The following MYBPH variants were observed in gnomAD, a reference collection of about 807,000 sequenced individuals.
The protein encoded by MYBPH is myosin binding protein H.
Under a neutral mutation model 53.6 loss-of-function variants are expected in MYBPH, and 49 were observed. The observed-to-expected ratio is 0.91, with a 90% CI of 0.73 to 1.16. The LOEUF (loss-of-function observed/expected upper bound fraction) is 1.16, where lower values mean the gene tolerates loss of function less well. Ranked by LOEUF, MYBPH falls within the 50% of genes most tolerant of loss-of-function variation. The pLI, the probability that MYBPH is intolerant of heterozygous loss-of-function variation, is 0.00. For synonymous variants in MYBPH, 239 were observed against 249.6 expected (o/e 0.96, Z 0.40); for missense variants, 558 against 624.1 (o/e 0.89, Z 1.13).
Position 203,171,127 on chromosome 1 carries a change from T to A in MYBPH, c.867A>T (p.Pro289=). The A allele has an allele frequency of 6.2e-7, 1 of 1,613,506 alleles. No homozygotes were observed. Among genetic ancestry groups the A allele is most frequent in the Non-Finnish European group, 8.5e-7 (1 of 1,179,728 alleles). The change falls in exon 6 of 11, where the codon CCA becomes CCT. Residue 289 remains proline (P), a synonymous_variant. Transcript: ENST00000255416. This position sits in a 1 kb window ranked among gnomAD's most constrained non-coding sequence, Gnocchi z 4.2. ...GCTCTGTGTTGCCTGTGTCCTGGGG[T>A]GGCGTCCACTGAAGAGCAGCATTGC... The part of the protein sequence containing the change: ...WGCNAALQWT[P]PQDTGNTELL...
In MYBPH at chr1:203,175,478, G is replaced by T. The variant is rs748890680; in HGVS notation, c.206-17C>A. 3.1e-6 allele frequency: 5 copies of T among 1,605,654 alleles called. No individual in the cohort carries two copies. Among genetic ancestry groups the T allele is most frequent in the South Asian group, 2.2e-5 (2 of 90,252 alleles). On this transcript the variant is annotated splice_polypyrimidine_tract_variant and intron_variant, in intron 1 of 10. Transcript: ENST00000255416. ...TGGGGACATCTGGGGAGATGAAGAG[G>T]TTCATGGCCAAGAGCTCCCCTCCAC...
rs1655761088 is a variant in MYBPH, at chr1:203,174,535, G to A, written c.403C>T (p.Leu135=). ...AGGAGGAACTTGTCTCCCAGAGCCAGGTTCCGCACAGTCTGCTGGGTCACC... is the reference window on the plus strand; with the variant it reads ...AGGAGGAACTTGTCTCCCAGAGCCAAGTTCCGCACAGTCTGCTGGGTCACC... The part of the protein sequence containing the change: ...MMVTQQTVRN[L]ALGDKFLLRV... The change falls in exon 3 of 11, where the codon CTG becomes TTG. Residue 135 remains leucine, a synonymous_variant. Transcript: ENST00000255416. 1 of 1,613,120 alleles carries A rather than the reference G, an allele frequency of 6.2e-7. No homozygotes were observed.
chr1:203,173,101 C>A (rs893142226), intron 3 of MYBPH, among the ~76,000 whole-genome samples: 7 of 152,230 alleles, frequency 4.6e-5, no homozygotes, highest in African/African-American at 1.4e-4. Flanking sequence ...ACAGCCTCCT[C>A]TCCCTCTTCT....
Position 203,174,441 on chromosome 1 carries a change from C to A in MYBPH, c.497G>T (p.Arg166Leu). The A allele has an allele frequency of 6.3e-7, 1 of 1,592,116 alleles. No individual in the cohort carries two copies. Among genetic ancestry groups the A allele is most frequent in the East Asian group, 2.3e-5 (1 of 44,278 alleles). ...PAMLDQPIHI[R>L]ENIEAPKIRV... ...AGGATGGGCTTTACCAATGTTCTCT[C>A]GGATGTGGATGGGCTGGTCCAGCAT... Residue 166 changes from arginine (R) to leucine (L), a missense_variant, in exon 3 of 11, where the codon CGA (arginine) becomes CTA (leucine). Transcript: ENST00000255416.
At position 203,172,007 on chromosome 1, in the gene MYBPH, C is replaced by A; in HGVS notation, c.542G>T (p.Arg181Leu). 4.5e-6 allele frequency: 6 copies of A among 1,320,420 alleles called. No individual in the cohort carries two copies. Among genetic ancestry groups the A allele is most frequent in the Non-Finnish European group, 5.8e-6 (6 of 1,026,912 alleles). 81.8% of individuals were successfully genotyped at this position (1,320,420 alleles called of 1,614,324 possible). Reference protein sequence around the residue: ...APKIRVPRHLRQTYIRQVGET... With the variant: ...APKIRVPRHLLQTYIRQVGET... ...TCCCACCTGGCGGATGTAGGTCTGA[C>A]GGAGGTGGCGGGGGACACGGATCTT... is the stretch of plus-strand genomic sequence containing the variant. The change falls in exon 4 of 11, where the codon CGT (arginine) becomes CTT (leucine). Residue 181 changes from arginine (R) to leucine (L), a missense_variant. Physicochemically the swap from Arg to Leu is moderately radical, Grantham distance 102 (BLOSUM62 -2). Coordinates refer to ENST00000255416, the MANE Select transcript of MYBPH (RefSeq NM_004997.3).
chr1:203,169,716 G>T (rs184874200), intron 7 of MYBPH, among the ~76,000 whole-genome samples: 1 of 152,298 alleles, frequency 6.6e-6, no homozygotes, highest in Admixed American at 6.5e-5. Context: ...TCCTAATTCT[G>T]TGCAGTTCAG....
intron 3 of MYBPH, 108 bp from the exon 4 acceptor site, chr1:203,172,148 T>C: frequency 1.5e-6 from 1 of 651,838 alleles, no homozygotes; most frequent in Non-Finnish European, 2.2e-6. Flanking sequence ...GGGAGGAGGG[T>C]CCTGGGTGTG....
chr1:203,170,487 CT>C, intron 6 of MYBPH, 37 bp from the exon 7 acceptor site: 1 of 1,602,836 alleles, frequency 6.2e-7, no homozygotes. Flanking sequence ...TTTCTCACCC[CT>C]GTCCTCACCC....
chr1:203,174,876 G>A (rs1288898707), intron 2 of MYBPH, among the ~76,000 whole-genome samples: 1 of 152,156 alleles, frequency 6.6e-6, no homozygotes, highest in African/African-American at 2.4e-5. Context: ...CAGAGGCCAG[G>A]CTGGACTTGG....
At position 203,175,477 on chromosome 1, in the gene MYBPH, G is replaced by T. The variant is rs775121999; in HGVS notation, c.206-16C>A. 14 of 1,604,580 alleles carry T rather than the reference G, an allele frequency of 8.7e-6. No individual in the cohort carries two copies. Among genetic ancestry groups the T allele is most frequent in the Non-Finnish European group, 1.2e-5 (14 of 1,174,066 alleles). ...CTGGGGACATCTGGGGAGATGAAGAGGTTCATGGCCAAGAGCTCCCCTCCA... is the reference window on the plus strand; with the variant it reads ...CTGGGGACATCTGGGGAGATGAAGATGTTCATGGCCAAGAGCTCCCCTCCA... On this transcript the variant is annotated splice_polypyrimidine_tract_variant and intron_variant, in intron 1 of 10. Coordinates refer to ENST00000255416, the MANE Select transcript of MYBPH (RefSeq NM_004997.3).
rs897986625 is a variant in MYBPH at position 203,172,047 on chromosome 1, C to T, written c.509-7G>A. 6 of 1,311,988 alleles carry T rather than the reference C, an allele frequency of 4.6e-6. No individual in the cohort carries two copies. The highest frequency in any genetic ancestry group is 4.9e-6 in the Non-Finnish European group (5 of 1,022,284). 81.3% of individuals were successfully genotyped at this position (1,311,988 alleles called of 1,614,324 possible). ...ACACGGATCTTGGGGGCCTCTGGAT[C>T]AAAGCAAGAGTCTGGGCTTAGCAGT... On this transcript the variant is annotated splice_region_variant and splice_polypyrimidine_tract_variant and intron_variant, in intron 3 of 10. Coordinates refer to ENST00000255416, the MANE Select transcript of MYBPH (RefSeq NM_004997.3).
chr1:203,169,778 G>T (rs778599271), intron 7 of MYBPH, among the ~76,000 whole-genome samples: 2 of 152,236 alleles, frequency 1.3e-5, no homozygotes, highest in African/African-American at 4.8e-5. Context: ...CTGTGGGTCG[G>T]AGAGGGCCTT....
chr1:203,168,610 T>G lies in MYBPH; in HGVS notation c.*32+17A>C, dbSNP rs1188276162. 1 of 1,550,862 alleles carries G rather than the reference T, an allele frequency of 6.4e-7. No individual in the cohort carries two copies. The highest frequency in any genetic ancestry group is 2.4e-5 in the East Asian group (1 of 40,910). On this transcript the variant is annotated intron_variant, in intron 10 of 10. Coordinates refer to ENST00000255416, the MANE Select transcript of MYBPH (RefSeq NM_004997.3). ...CTGCCCACAGAGGTAACAGAGTGGG[T>G]GGGTCAGGCCATTTACCTGGCTCCT...
Position 203,175,377 on chromosome 1 carries a change from A to G in MYBPH, c.290T>C (p.Leu97Pro), listed in dbSNP as rs753866172. The G allele has an allele frequency of 6.5e-7, 1 of 1,532,098 alleles. No individual in the cohort carries two copies. Among genetic ancestry groups the G allele is most frequent in the Non-Finnish European group, 8.8e-7 (1 of 1,142,800 alleles). The allele number at this position is 1,532,098 out of a possible 1,614,324, so 94.9% of individuals were successfully genotyped here. ...VTVSWEPPER[L>P]GRLGLQGYVL... ...ATAGCCCTGGAGGCCCAGCCTCCCCAGCCTCTCTGGGGGCTCCCAGCTCAC... is the reference window on the plus strand; with the variant it reads ...ATAGCCCTGGAGGCCCAGCCTCCCCGGCCTCTCTGGGGGCTCCCAGCTCAC... The change falls in exon 2 of 11, where the codon CTG becomes CCG. Residue 97 changes from leucine (L) to proline (P), a missense_variant. Leu to Pro is a moderately conservative substitution (Grantham distance 98). Coordinates refer to ENST00000255416, the MANE Select transcript of MYBPH (RefSeq NM_004997.3).
chr1:203,169,524 G>A (rs923113190), intron 7 of MYBPH, 135 bp from the exon 8 acceptor site: 4 of 1,275,796 alleles, frequency 3.1e-6, no homozygotes, highest in Non-Finnish European at 4.4e-6. Context: ...TCTCAAAGAG[G>A]CAGAGAAAGC....
chr1:203,171,228 G>A lies in MYBPH; in HGVS notation c.794-28C>T. The A allele has an allele frequency of 1.3e-6, 2 of 1,567,478 alleles. No individual in the cohort carries two copies. The highest frequency in any genetic ancestry group is 1.7e-6 in the Non-Finnish European group (2 of 1,155,942). The stretch of plus-strand genomic sequence containing the variant: ...GTAGGCCCAGAGTGTGAGAGGAAGT[G>A]AGTGTGAGGGCCAGGCTGGCCACAG... On this transcript the variant is annotated intron_variant, in intron 5 of 10. Transcript: ENST00000255416. This position sits in a 1 kb window ranked among gnomAD's most constrained non-coding sequence, Gnocchi z 4.2.
At chr1:203,173,732 C>T (rs1017906728) in intron 3 of MYBPH, among the ~76,000 whole-genome samples, 5 of 152,256 alleles carry the variant, frequency 3.3e-5, no homozygotes, top group African/African-American at 4.8e-5. Context: ...CTGCCTGTGT[C>T]TCTCCTCACC....
At chr1:203,174,269 G>T (rs1655755097) in intron 3 of MYBPH, 161 bp downstream of exon 3, 1 of 977,764 alleles carries the variant, frequency 1.0e-6, no homozygotes, top group Non-Finnish European at 1.2e-6. Flanking sequence ...GAGGAACCTG[G>T]AACTTTCTTA....
Position 203,170,347 on chromosome 1 carries a change from CA to C in MYBPH, c.1036del (p.Cys346ValfsTer71). 1 of 1,614,188 alleles carries C rather than the reference CA, an allele frequency of 6.2e-7. No homozygotes were observed. Among genetic ancestry groups the C allele is most frequent in the South Asian group, 1.1e-5 (1 of 91,080 alleles). ...YSFRVFSENL[C>X]GLSTSATVTK... ...GACGGTGGCCGAGGTGCTGAGTCCA[CA>C]CAGGTTTTCTGAGAAGACCCGGAAG... On this transcript the variant is annotated frameshift_variant, in exon 7 of 11. Coordinates refer to ENST00000255416, the MANE Select transcript of MYBPH (RefSeq NM_004997.3). LOFTEE classifies it high-confidence loss of function.
Sources: gnomAD v4.1 joint callset for allele counts (sites outside exome capture counted in the v4.1 genomes callset) on GRCh38, gnomAD v4.1.1 for gene constraint, Gnocchi (gnomAD v3.1) non-coding constraint, MANE v1.5 for transcripts, NCBI Gene and HGNC (gene_info 2026-07-23, HGNC 2026-07-21) for gene names.